Variants in SH3BGR observed in about 807,000 individuals in gnomAD.
SH3BGR encodes SH3 domain-binding glutamic acid-rich protein.
Under a neutral mutation model 24.5 loss-of-function variants are expected in SH3BGR, and 29 were observed. The observed-to-expected ratio is 1.18, with a 90% CI of 0.88 to 1.61. SH3BGR has a LOEUF of 1.61. Among genes scored for constraint, SH3BGR ranks in the 40% most tolerant of loss-of-function variants. The probability of loss-of-function intolerance (pLI) is 0.00; values close to 1 mark genes in which losing one functional copy is unlikely to be tolerated. For missense variants in SH3BGR, 162 were observed against 205.8 expected, an observed-to-expected ratio of 0.79 and a Z score of 1.30; for synonymous variants, 55 against 65.7, an observed-to-expected ratio of 0.84 and a Z score of 0.79.
intron 3 of SH3BGR, among the ~76,000 whole-genome samples, chr21:39,482,382 G>A (rs2078143645): frequency 6.6e-6 from 1 of 152,170 alleles, no homozygotes. Flanking sequence ...TGTTTTAAGA[G>A]GTTCAAGTCT....
intron 2 of SH3BGR, among the ~76,000 whole-genome samples, chr21:39,472,613 A>G (rs1033660793): frequency 1.4e-4 from 21 of 152,300 alleles, no homozygotes; most frequent in Admixed American, 1.2e-3. Flanking sequence ...ATGGCATGGG[A>G]ATTTGAACTG....
At chr21:39,498,469 G>T (rs2078435232) in intron 3 of SH3BGR, among the ~76,000 whole-genome samples, 1 of 152,210 alleles carries the variant, frequency 6.6e-6, no homozygotes, top group South Asian at 2.1e-4. Context: ...TGTCTCTGAA[G>T]TGTGGGTGGT....
intron 3 of SH3BGR, among the ~76,000 whole-genome samples, chr21:39,499,362 C>T (rs529448518): frequency 6.6e-5 from 10 of 152,012 alleles, no homozygotes; most frequent in African/African-American, 1.9e-4. Flanking sequence ...ATTATCCATC[C>T]ATCCATCTAT....
chr21:39,507,564 C>T (rs920478047), intron 4 of SH3BGR, among the ~76,000 whole-genome samples: 25 of 152,156 alleles, frequency 1.6e-4, no homozygotes, highest in African/African-American at 4.6e-4. Context: ...AACTCCTGAT[C>T]TCAGGTGATC....
chr21:39,500,027 G>A, intron 4 of SH3BGR, 112 bp downstream of exon 4: 2 of 761,938 alleles, frequency 2.6e-6, no homozygotes, highest in South Asian at 1.6e-5. Context: ...AGGGCAAGGA[G>A]CTGAGAGTTT....
intron 2 of SH3BGR, among the ~76,000 whole-genome samples, chr21:39,468,639 A>G (rs766579619): frequency 3.3e-5 from 5 of 152,128 alleles, no homozygotes; most frequent in African/African-American, 7.2e-5. Flanking sequence ...GCATCTCCCT[A>G]TGCTGCTGAG....
At chr21:39,489,744 T>G (rs2123456625) in intron 3 of SH3BGR, among the ~76,000 whole-genome samples, 1 of 152,318 alleles carries the variant, frequency 6.6e-6, no homozygotes, top group Admixed American at 6.5e-5. Context: ...TTAAAAATAG[T>G]ATGCCAGGGC....
At chr21:39,470,165 A>C (rs575345221) in intron 2 of SH3BGR, among the ~76,000 whole-genome samples, 25 of 152,012 alleles carry the variant, frequency 1.6e-4, no homozygotes, top group African/African-American at 5.8e-4. Flanking sequence ...CCTTTACTCA[A>C]TTCAAATAAT....
intron 3 of SH3BGR, among the ~76,000 whole-genome samples, chr21:39,491,337 C>T (rs372185909): frequency 2.6e-5 from 4 of 151,808 alleles, no homozygotes; most frequent in East Asian, 1.9e-4. Context: ...TTAGTAGAGA[C>T]GGGGGTTTCA....
At chr21:39,490,259 G>A (rs185602280) in intron 3 of SH3BGR, among the ~76,000 whole-genome samples, 1 of 152,238 alleles carries the variant, frequency 6.6e-6, no homozygotes, top group Non-Finnish European at 1.5e-5. Flanking sequence ...GCAATAGTAA[G>A]GAAAGGGAAA....
chr21:39,465,296 T>C (rs558876287), intron 2 of SH3BGR, among the ~76,000 whole-genome samples: 2 of 152,284 alleles, frequency 1.3e-5, no homozygotes, highest in Admixed American at 1.3e-4. Flanking sequence ...CAGGACCCCA[T>C]CCACAGGAGG....
chr21:39,510,423 T>A (rs1305735932), intron 5 of SH3BGR, among the ~76,000 whole-genome samples: 1 of 100,628 alleles, frequency 9.9e-6, no homozygotes, highest in African/African-American at 4.1e-5. Context: ...ACACACACAC[T>A]GTAGCTACAC....
At chr21:39,457,377 A>C (rs990633487) in intron 1 of SH3BGR, among the ~76,000 whole-genome samples, 1 of 143,238 alleles carries the variant, frequency 7.0e-6, no homozygotes, top group African/African-American at 2.5e-5. Context: ...ATATAAGATT[A>C]TTATATATTA....
intron 2 of SH3BGR, among the ~76,000 whole-genome samples, chr21:39,462,978 A>G (rs2410158): frequency 0.33 from 50,763 of 151,970 alleles, 8,874 homozygotes; most frequent in Non-Finnish European, 0.37. Context: ...CTTTCTCTTG[A>G]GCTCAAGCGA....
chr21:39,514,324 A>G (rs1478361471), intron 6 of SH3BGR, among the ~76,000 whole-genome samples: 2 of 152,134 alleles, frequency 1.3e-5, no homozygotes, highest in Non-Finnish European at 2.9e-5. Context: ...CTCATTTCCC[A>G]TAGTTGAAGT....
chr21:39,461,257 C>G (rs747050027), intron 1 of SH3BGR, among the ~76,000 whole-genome samples: 15 of 151,422 alleles, frequency 9.9e-5, no homozygotes, highest in Non-Finnish European at 1.3e-4. Context: ...CTGCTTCAGT[C>G]TCCCGAGTAG....
intron 4 of SH3BGR, among the ~76,000 whole-genome samples, chr21:39,505,220 G>T (rs1290368907): frequency 2.6e-5 from 4 of 152,212 alleles, no homozygotes; most frequent in African/African-American, 9.6e-5. Flanking sequence ...GGCAGATTGA[G>T]TGCTGCCACT....
chr21:39,466,729 G>A (rs1052812308), intron 2 of SH3BGR, among the ~76,000 whole-genome samples: 1 of 152,004 alleles, frequency 6.6e-6, no homozygotes, highest in Non-Finnish European at 1.5e-5. Flanking sequence ...ACAGCATGAG[G>A]GAACCACTCC....
chr21:39,460,506 G>C (rs1285099368), intron 1 of SH3BGR, among the ~76,000 whole-genome samples: 1 of 151,940 alleles, frequency 6.6e-6, no homozygotes, highest in Non-Finnish European at 1.5e-5. Flanking sequence ...TTTTGAGACA[G>C]AGTCTCACTC....
Sources: gnomAD v4.1 joint callset for allele counts (sites outside exome capture counted in the v4.1 genomes callset) on GRCh38, gnomAD v4.1.1 for gene constraint, MANE v1.5 for transcripts, NCBI Gene and HGNC (gene_info 2026-07-23, HGNC 2026-07-21) for gene names.